Variants in COL22A1 observed in about 807,000 individuals in gnomAD.
COL22A1 encodes the protein collagen type XXII alpha 1 chain.
In COL22A1, 221 loss-of-function variants were observed where a neutral mutation model predicts 248.9. That is an observed-to-expected ratio of 0.89 (90% CI 0.80 to 0.99). COL22A1 has a LOEUF of 0.99. COL22A1 is among the 50% of genes least tolerant of loss of function. COL22A1 has a pLI of 0.00. For missense variants in COL22A1, 2,240 were observed against 2,179.0 expected, an observed-to-expected ratio of 1.03 and a Z score of -0.56; for synonymous variants, 891 against 793.4, an observed-to-expected ratio of 1.12 and a Z score of -2.07.
chr8:138,881,617 G>A (rs1326855674), intron 2 of COL22A1, among the ~76,000 whole-genome samples: 1 of 152,198 alleles, frequency 6.6e-6, no homozygotes, highest in Admixed American at 6.5e-5. Flanking sequence ...CCCGGGAGGC[G>A]GAGCTTGCAG....
chr8:138,826,736 T>C lies in COL22A1; in HGVS notation c.891A>G (p.Thr297=), dbSNP rs753492583. The change falls in exon 6 of 65, where the codon ACA becomes ACG. Residue 297 remains threonine (T), a synonymous_variant. Transcript: ENST00000303045. The stretch of plus-strand genomic sequence containing the variant: ...GAGAGGTTTTCCTGAACCGGAAGGT[T>C]GTGACAAAGGCGTACTCATCAGGTA... ...QGLPDEYAFV[T]TFRFRKTSRK... The C allele has an allele frequency of 1.9e-6, 3 of 1,613,866 alleles. No individual in the cohort carries two copies. The highest frequency in any genetic ancestry group is 2.5e-6 in the Non-Finnish European group (3 of 1,179,958).
chr8:138,817,606 G>T (rs1818778161), intron 7 of COL22A1, among the ~76,000 whole-genome samples: 1 of 152,162 alleles, frequency 6.6e-6, no homozygotes, highest in Non-Finnish European at 1.5e-5. Flanking sequence ...GGAAACTCAG[G>T]TCTGATTTCC....
intron 44 of COL22A1, 117 bp downstream of exon 44, chr8:138,660,319 A>G (rs1823702869): frequency 4.8e-6 from 4 of 840,710 alleles, no homozygotes; most frequent in Non-Finnish European, 7.9e-6. Flanking sequence ...TCCTCTGCCC[A>G]CAGTTTTGTC....
At chr8:138,728,688 T>G (rs1276554526) in intron 23 of COL22A1, among the ~76,000 whole-genome samples, 1 of 151,874 alleles carries the variant, frequency 6.6e-6, no homozygotes, top group Non-Finnish European at 1.5e-5. Flanking sequence ...CCTCCTTGTC[T>G]GACAATGAAG....
intron 2 of COL22A1, among the ~76,000 whole-genome samples, chr8:138,881,496 T>G (rs953662430): frequency 7.2e-5 from 11 of 152,038 alleles, no homozygotes; most frequent in African/African-American, 2.7e-4. Flanking sequence ...CCGTCTTGGC[T>G]AACACGGTGA....
intron 59 of COL22A1, among the ~76,000 whole-genome samples, chr8:138,603,417 G>A (rs997473338): frequency 2.4e-4 from 37 of 152,226 alleles, no homozygotes; most frequent in Admixed American, 2.0e-4. Flanking sequence ...TTATAGGTGC[G>A]TGGAAGAGTG....
At chr8:138,817,665 G>C (rs1384629202) in intron 7 of COL22A1, among the ~76,000 whole-genome samples, 2 of 152,224 alleles carry the variant, frequency 1.3e-5, no homozygotes, top group Non-Finnish European at 2.9e-5. Flanking sequence ...GTACCTTGGA[G>C]AGTACCAGAA....
chr8:138,717,838 C>T (rs369879132), intron 27 of COL22A1, among the ~76,000 whole-genome samples: 6 of 152,172 alleles, frequency 3.9e-5, no homozygotes, highest in Admixed American at 6.5e-5. Flanking sequence ...AAGAGCTTTG[C>T]GATGATGATG....
intron 21 of COL22A1, among the ~76,000 whole-genome samples, 193 bp downstream of exon 21, chr8:138,754,962 GGA>G (rs1363187468): frequency 3.3e-5 from 5 of 152,208 alleles, no homozygotes; most frequent in Non-Finnish European, 7.3e-5. Context: ...TGCCTGACGT[GGA>G]GAGAGTTATC....
intron 18 of COL22A1, among the ~76,000 whole-genome samples, chr8:138,757,079 G>A (rs971831980): frequency 1.3e-5 from 2 of 152,118 alleles, no homozygotes; most frequent in African/African-American, 4.8e-5. Context: ...TCACACACAT[G>A]TGCTTGCACA....
chr8:138,889,657 C>T (rs1298120378), intron 1 of COL22A1, among the ~76,000 whole-genome samples: 4 of 152,128 alleles, frequency 2.6e-5, no homozygotes, highest in Admixed American at 1.3e-4. Flanking sequence ...GGCACGTATA[C>T]ATATGTAACT....
chr8:138,841,310 G>T (rs187345819), intron 4 of COL22A1, among the ~76,000 whole-genome samples: 1 of 152,334 alleles, frequency 6.6e-6, no homozygotes, highest in African/African-American at 2.4e-5. Context: ...CAGCTCATAT[G>T]CTTGCTGGGG....
intron 36 of COL22A1, among the ~76,000 whole-genome samples, chr8:138,689,541 C>T (rs373762850): frequency 7.9e-5 from 12 of 152,200 alleles, no homozygotes; most frequent in African/African-American, 2.6e-4. Context: ...CATGGTGAAA[C>T]CCCATCTCCA....
chr8:138,625,059 G>A lies in COL22A1; in HGVS notation c.3717+1131C>T, dbSNP rs140224736. Among the ~76,000 whole-genome samples the A allele has an allele frequency of 2.4e-3, 358 of 152,316 alleles. 1 individual carries two copies. The highest frequency in any genetic ancestry group is 8.1e-3 in the African/African-American group (336 of 41,572). On this transcript the variant is annotated intron_variant, in intron 51 of 64. Coordinates refer to ENST00000303045, the MANE Select transcript of COL22A1 (RefSeq NM_152888.3). The stretch of plus-strand genomic sequence containing the variant: ...TAACAAACAGAGTTGTTTGTTGAAT[G>A]AGTGATTCAACCAGACCAACGAATA...
chr8:138,627,357 C>T (rs989930960), intron 50 of COL22A1, among the ~76,000 whole-genome samples: 1 of 152,184 alleles, frequency 6.6e-6, no homozygotes, highest in African/African-American at 2.4e-5. Context: ...TTTATCAGAA[C>T]ACTGTCACAC....
At chr8:138,908,925 A>G (rs889527537) in intron 1 of COL22A1, among the ~76,000 whole-genome samples, 3 of 152,304 alleles carry the variant, frequency 2.0e-5, no homozygotes, top group African/African-American at 7.2e-5. Context: ...TTGCCTTAGG[A>G]GGTAGCAATC....
intron 1 of COL22A1, among the ~76,000 whole-genome samples, chr8:138,889,578 G>A (rs902998757): frequency 5.3e-5 from 8 of 152,084 alleles, no homozygotes; most frequent in South Asian, 2.1e-4. Flanking sequence ...TGGGGGGAGT[G>A]GGGAGGGATA....
At chr8:138,730,259 C>T (rs1361037586) in intron 23 of COL22A1, among the ~76,000 whole-genome samples, 1 of 152,110 alleles carries the variant, frequency 6.6e-6, no homozygotes, top group Non-Finnish European at 1.5e-5. Flanking sequence ...GTGGGTGATG[C>T]CTTTAAAGGG....
At chr8:138,722,141 G>C (rs1480924272) in intron 25 of COL22A1, 52 bp from the exon 26 acceptor site, 2 of 1,466,664 alleles carry the variant, frequency 1.4e-6, no homozygotes, top group Non-Finnish European at 9.3e-7. Context: ...ATTTAGGAAA[G>C]GCTTACATTA....
Sources: allele counts gnomAD v4.1 joint callset (sites outside exome capture counted in the v4.1 genomes callset), GRCh38; gene constraint gnomAD v4.1.1; transcripts MANE v1.5; gene names NCBI Gene and HGNC (gene_info 2026-07-23, HGNC 2026-07-21).